TNFRSF19: variants seen among roughly 807,000 people sequenced by gnomAD.
TNFRSF19 encodes the protein tumor necrosis factor receptor superfamily member 19.
TNFRSF19 carries 27 observed loss-of-function variants against 46.4 expected under a neutral mutation model. The ratio of observed to expected loss-of-function variants is 0.58; its 90% CI spans 0.43 to 0.80. TNFRSF19 has a LOEUF of 0.80. Ranked by LOEUF, TNFRSF19 falls within the 30% of genes least tolerant of loss-of-function variation. The pLI is 0.00. For synonymous variants in TNFRSF19, 204 were observed against 205.0 expected (o/e 1.00, Z 0.04); for missense variants, 511 against 530.8 (o/e 0.96, Z 0.37).
chr13:23,609,532 G>T (rs1318193300), intron 3 of TNFRSF19, among the ~76,000 whole-genome samples: 1 of 152,136 alleles, frequency 6.6e-6, no homozygotes, highest in Non-Finnish European at 1.5e-5. Context: ...TAACACGATC[G>T]CCTCGCAGCA....
At chr13:23,654,947 C>A (rs961425710) in intron 5 of TNFRSF19, among the ~76,000 whole-genome samples, 76 of 152,186 alleles carry the variant, frequency 5.0e-4, no homozygotes, top group African/African-American at 1.7e-3. Flanking sequence ...ATAGGTTCCT[C>A]ATTTGCAGCA....
intron 5 of TNFRSF19, among the ~76,000 whole-genome samples, chr13:23,656,377 C>A (rs1172300962): frequency 1.3e-5 from 2 of 152,076 alleles, no homozygotes; most frequent in Non-Finnish European, 2.9e-5. Context: ...GACATTTTAA[C>A]CTATCTGTAA....
chr13:23,599,186 A>G (rs1268211976), intron 3 of TNFRSF19, among the ~76,000 whole-genome samples: 1 of 152,252 alleles, frequency 6.6e-6, no homozygotes, highest in Non-Finnish European at 1.5e-5. Flanking sequence ...GATTACAGTA[A>G]CAAGTACTTT....
intron 4 of TNFRSF19, 108 bp downstream of exon 4, chr13:23,616,153 A>T (rs778128626): frequency 2.0e-5 from 23 of 1,168,018 alleles, no homozygotes; most frequent in Non-Finnish European, 2.7e-5. Flanking sequence ...ATTAACCTGA[A>T]GATGCTGGTG....
chr13:23,574,010 C>T (rs34603923), intron 1 of TNFRSF19, among the ~76,000 whole-genome samples: 42,014 of 144,552 alleles, frequency 0.29, 6,085 homozygotes, highest in South Asian at 0.34. Context: ...TTCAGTGAGC[C>T]GAGATGGCGC....
intron 5 of TNFRSF19, among the ~76,000 whole-genome samples, chr13:23,638,874 T>C (rs1882865260): frequency 6.6e-6 from 1 of 152,192 alleles, no homozygotes. Flanking sequence ...TTGAGTTTCA[T>C]TGCTGCATCA....
intron 4 of TNFRSF19, among the ~76,000 whole-genome samples, chr13:23,625,191 G>A (rs1881914699): frequency 6.6e-6 from 1 of 152,132 alleles, no homozygotes; most frequent in South Asian, 2.1e-4. Context: ...AATGCGTATG[G>A]TAGGTCTTCA....
chr13:23,626,579 A>G, intron 4 of TNFRSF19, 128 bp from the exon 5 acceptor site: 1 of 776,782 alleles, frequency 1.3e-6, no homozygotes, highest in Non-Finnish European at 2.1e-6. Context: ...TCTACCTAAG[A>G]TACTATTATT....
rs1273555672 is a variant in TNFRSF19 at position 23,651,702 on chromosome 13, G to T, written c.446-7348G>T. 3.3e-5 allele frequency among the ~76,000 whole-genome samples: 5 copies of T among 152,130 alleles called. No homozygotes were observed. The South Asian group carries it at 6.2e-4, about 19-fold the overall frequency. ...AATTCAATAGCCTCCTTAATCTAGG[G>T]TTTAGATAAAACAGGTTGGATTTGT... On this transcript the variant is annotated intron_variant, in intron 5 of 9. Coordinates refer to ENST00000248484, the MANE Select transcript of TNFRSF19 (RefSeq NM_148957.4).
At chr13:23,664,038 C>T (rs570171838) in intron 7 of TNFRSF19, among the ~76,000 whole-genome samples, 1 of 151,964 alleles carries the variant, frequency 6.6e-6, no homozygotes, top group South Asian at 2.1e-4. Flanking sequence ...CTTCTGCTGG[C>T]TTTAGGGGTG....
In TNFRSF19 at chr13:23,667,937, C is replaced by T. The variant is rs761685353; in HGVS notation, c.737-43C>T. 1.2e-5 allele frequency: 18 copies of T among 1,494,800 alleles called. No homozygotes were observed. In the South Asian group the frequency reaches 2.3e-4, roughly 19 times the overall value. The allele number at this position is 1,494,800 out of a possible 1,614,324, so 92.6% of individuals were successfully genotyped here. A position where few individuals can be genotyped will look rare whatever the true frequency, so the allele number is the denominator to read the frequency against. On this transcript the variant is annotated intron_variant, in intron 7 of 9. Coordinates refer to ENST00000248484, the MANE Select transcript of TNFRSF19 (RefSeq NM_148957.4). ...GAAGTGTTATTAAAGTGAAAGCTGC[C>T]AGAAGGAGGCACTGTGCTTCACACC...
chr13:23,659,078 C>A lies in TNFRSF19; in HGVS notation c.474C>A (p.Ile158=), dbSNP rs564197373. The A allele has an allele frequency of 3.7e-6, 6 of 1,613,918 alleles. No individual in the cohort carries two copies. The highest frequency in any genetic ancestry group is 5.1e-6 in the Non-Finnish European group (6 of 1,180,028). The change falls in exon 6 of 10, where the codon ATC becomes ATA. Residue 158 remains isoleucine (I), a synonymous_variant. Coordinates refer to ENST00000248484, the MANE Select transcript of TNFRSF19 (RefSeq NM_148957.4). The surrounding 1 kb of genome is among the most constrained non-coding windows in gnomAD (Gnocchi z 4.9). ...HCASKVNLVK[I]ASTASSPRDT... ...CCAGCAAGGTCAACCTCGTGAAGAT[C>A]GCGTCCACGGCCTCCAGCCCACGGG... is the stretch of plus-strand genomic sequence containing the variant.
At chr13:23,660,902 G>A (rs1884325120) in intron 7 of TNFRSF19, among the ~76,000 whole-genome samples, 1 of 152,054 alleles carries the variant, frequency 6.6e-6, no homozygotes, top group Non-Finnish European at 1.5e-5. Flanking sequence ...ATTTCTTAAA[G>A]AAGAGAGAGC....
At chr13:23,593,107 G>A (rs138968459) in intron 2 of TNFRSF19, among the ~76,000 whole-genome samples, 1 of 152,028 alleles carries the variant, frequency 6.6e-6, no homozygotes, top group African/African-American at 2.4e-5. Flanking sequence ...GGGATACCCT[G>A]TTTAGAGAAT....
At chr13:23,576,440 C>T (rs984384270) in intron 1 of TNFRSF19, among the ~76,000 whole-genome samples, 1 of 152,072 alleles carries the variant, frequency 6.6e-6, no homozygotes, top group African/African-American at 2.4e-5. Flanking sequence ...GCCCACAGAA[C>T]TCTTTTTATA....
rs114930284 is a variant in TNFRSF19 at position 23,637,552 on chromosome 13, C to T, written c.445+10760C>T. On this transcript the variant is annotated intron_variant, in intron 5 of 9. Coordinates refer to ENST00000248484, the MANE Select transcript of TNFRSF19 (RefSeq NM_148957.4). The stretch of plus-strand genomic sequence containing the variant: ...TGTAAAATTATAAGTGAATTAATAC[C>T]GGTATCAATTCTGCTGGCATAGAGG... Among the ~76,000 whole-genome samples the T allele has an allele frequency of 8.5e-3, 1,295 of 152,218 alleles. 21 individuals carry two copies. Among genetic ancestry groups the T allele is most frequent in the African/African-American group, 0.029 (1,208 of 41,524 alleles).
chr13:23,605,315 G>A (rs544483417), intron 3 of TNFRSF19, among the ~76,000 whole-genome samples: 140 of 152,232 alleles, frequency 9.2e-4, no homozygotes, highest in African/African-American at 3.3e-3. Flanking sequence ...AGACAACATT[G>A]AAGGCTGTTA....
chr13:23,652,134 C>G (rs1883690262), intron 5 of TNFRSF19, among the ~76,000 whole-genome samples: 2 of 152,094 alleles, frequency 1.3e-5, no homozygotes, highest in African/African-American at 4.8e-5. Flanking sequence ...GATGATAATT[C>G]AGCTAACTTT....
chr13:23,607,564 A>G (rs1199260231), intron 3 of TNFRSF19, among the ~76,000 whole-genome samples: 3 of 152,244 alleles, frequency 2.0e-5, no homozygotes, highest in Non-Finnish European at 1.5e-5. Flanking sequence ...CAGAGTAAAC[A>G]TAAAACTTTT....
Sources: allele counts gnomAD v4.1 joint callset (sites outside exome capture counted in the v4.1 genomes callset), GRCh38; gene constraint gnomAD v4.1.1; non-coding constraint Gnocchi (gnomAD v3.1); transcripts MANE v1.5; gene names NCBI Gene and HGNC (gene_info 2026-07-23, HGNC 2026-07-21).